Variants in ANO4 observed in about 807,000 individuals in gnomAD.
The protein encoded by ANO4 is anoctamin 4.
ANO4 carries 69 observed loss-of-function variants against 141.9 expected under a neutral mutation model. The ratio of observed to expected loss-of-function variants is 0.49; its 90% CI spans 0.40 to 0.59. The LOEUF is 0.59. ANO4 is among the 20% of genes least tolerant of loss of function. The pLI is 0.00. For synonymous variants in ANO4, 350 were observed against 394.3 expected (o/e 0.89, Z 1.33); for missense variants, 894 against 1,162.2 (o/e 0.77, Z 3.36).
chr12:100,805,904 G>A (rs149876452), intron 1 of ANO4, among the ~76,000 whole-genome samples: 6 of 152,298 alleles, frequency 3.9e-5, no homozygotes, highest in Admixed American at 6.5e-5. Flanking sequence ...AGGTCCCTGG[G>A]AGGAGGACCC....
At chr12:100,775,874 A>G (rs1446202047) in intron 3 of ANO4, among the ~76,000 whole-genome samples, 1 of 150,732 alleles carries the variant, frequency 6.6e-6, no homozygotes, top group Non-Finnish European at 1.5e-5. Flanking sequence ...GCTTTCCCCC[A>G]GCTGTTGTGT....
intron 3 of ANO4, among the ~76,000 whole-genome samples, chr12:100,777,277 T>C (rs1356398055): frequency 7.4e-6 from 1 of 135,286 alleles, no homozygotes; most frequent in African/African-American, 2.8e-5. Flanking sequence ...ATCTTTTTTT[T>C]TTTTTTTTTT....
intron 1 of ANO4, among the ~76,000 whole-genome samples, chr12:100,890,870 A>G (rs891801789): frequency 1.3e-5 from 2 of 152,226 alleles, no homozygotes; most frequent in Non-Finnish European, 2.9e-5. Flanking sequence ...CAAATTTATT[A>G]CAATATGTAT....
intron 8 of ANO4, among the ~76,000 whole-genome samples, chr12:100,992,580 A>G (rs1214021519): frequency 2.0e-5 from 3 of 152,194 alleles, no homozygotes; most frequent in Non-Finnish European, 4.4e-5. Flanking sequence ...TCTCTGTTCT[A>G]TACTGTTGTA....
At chr12:101,033,755 G>T (rs1167588165) in intron 9 of ANO4, among the ~76,000 whole-genome samples, 1 of 151,956 alleles carries the variant, frequency 6.6e-6, no homozygotes, top group Non-Finnish European at 1.5e-5. Flanking sequence ...GACAGAAATC[G>T]AATATCCAGA....
chr12:100,719,273 C>G (rs925821006), intron 1 of ANO4, among the ~76,000 whole-genome samples: 1 of 152,184 alleles, frequency 6.6e-6, no homozygotes, highest in Non-Finnish European at 1.5e-5. Flanking sequence ...GCCACAAATT[C>G]CACGTTAATT....
chr12:100,939,463 T>C lies in ANO4; in HGVS notation c.297+12T>C, dbSNP rs375912800. The stretch of plus-strand genomic sequence containing the variant: ...AAGCCGGGGGAGAGGTAAGAGTATA[T>C]GATTTCTTACAAATGTAATTCGTGA... On this transcript the variant is annotated intron_variant, in intron 4 of 27. Coordinates refer to ENST00000392977, the MANE Select transcript of ANO4 (RefSeq NM_001286615.2). 2 of 1,610,986 alleles carry C rather than the reference T, an allele frequency of 1.2e-6. No individual in the cohort carries two copies. Among genetic ancestry groups the C allele is most frequent in the African/African-American group, 1.3e-5 (1 of 74,818 alleles).
chr12:101,055,821 A>T (rs1326777025), intron 14 of ANO4, among the ~76,000 whole-genome samples: 2 of 152,152 alleles, frequency 1.3e-5, no homozygotes, highest in African/African-American at 4.8e-5. Context: ...TTTATGACTT[A>T]TTTCAAGTTG....
At position 101,005,549 on chromosome 12, in the gene ANO4, A is replaced by G. The variant is rs1479872142; in HGVS notation, c.735-14485A>G. 7.9e-5 allele frequency among the ~76,000 whole-genome samples: 12 copies of G among 152,192 alleles called. 1 individual carries two copies. Among genetic ancestry groups the G allele is most frequent in the Admixed American group, 7.9e-4 (12 of 15,280 alleles). ...TGGAAACACAGGGCCTGGGTGCCCA[A>G]TCCCAGCTCTGTAACTTGTAAGGTA... On this transcript the variant is annotated intron_variant, in intron 8 of 27. Coordinates refer to ENST00000392977, the MANE Select transcript of ANO4 (RefSeq NM_001286615.2).
At chr12:100,817,733 T>A (rs78412136) in intron 1 of ANO4, among the ~76,000 whole-genome samples, 1 of 151,932 alleles carries the variant, frequency 6.6e-6, no homozygotes, top group African/African-American at 2.4e-5. Context: ...TAGGACTAAT[T>A]TCGTTGGTCA....
chr12:100,942,386 GAAAGA>G lies in ANO4; in HGVS notation c.310_314del (p.Arg104GlnfsTer15). The G allele has an allele frequency of 6.2e-7, 1 of 1,613,710 alleles. No homozygotes were observed. The highest frequency in any genetic ancestry group is 8.5e-7 in the Non-Finnish European group (1 of 1,179,862). On this transcript the variant is annotated frameshift_variant, in exon 5 of 28. Transcript: ENST00000392977. LOFTEE classifies it high-confidence loss of function. ...TTCTCTTTGTGTGCAGACAGTGCCA[GAAAGA>G]AACAAATCAAATGGACTTTACTTTC...
At chr12:101,024,666 G>A (rs2046663075) in intron 9 of ANO4, among the ~76,000 whole-genome samples, 1 of 152,014 alleles carries the variant, frequency 6.6e-6, no homozygotes, top group Non-Finnish European at 1.5e-5. Flanking sequence ...TAACATCTGG[G>A]ATGTTTGAAA....
intron 1 of ANO4, among the ~76,000 whole-genome samples, chr12:100,852,953 G>T (rs892936791): frequency 6.6e-6 from 1 of 152,114 alleles, no homozygotes; most frequent in Non-Finnish European, 1.5e-5. Context: ...TGGCGCCAGA[G>T]GTATAACCTT....
intron 8 of ANO4, among the ~76,000 whole-genome samples, chr12:101,004,973 C>T (rs2045810677): frequency 6.6e-6 from 1 of 152,172 alleles, no homozygotes; most frequent in South Asian, 2.1e-4. Context: ...GGCAGAGTTT[C>T]TAGGACTTTG....
chr12:101,030,727 A>G (rs1277000342), intron 9 of ANO4, among the ~76,000 whole-genome samples: 1 of 152,140 alleles, frequency 6.6e-6, no homozygotes. Flanking sequence ...ACTAATAAAG[A>G]AGAAAAGAGA....
intron 5 of ANO4, among the ~76,000 whole-genome samples, chr12:100,958,146 C>T (rs2043252912): frequency 1.3e-5 from 2 of 152,224 alleles, no homozygotes; most frequent in Admixed American, 1.3e-4. Context: ...AAGCCCCGAC[C>T]ATGGTTAAAC....
At chr12:100,943,365 G>A (rs534349523) in intron 5 of ANO4, among the ~76,000 whole-genome samples, 1 of 152,306 alleles carries the variant, frequency 6.6e-6, no homozygotes, top group Admixed American at 6.5e-5. Context: ...TGAGGGGATA[G>A]ATCTTTGAAG....
intron 14 of ANO4, among the ~76,000 whole-genome samples, chr12:101,060,789 C>G (rs1455123700): frequency 6.6e-6 from 1 of 152,030 alleles, no homozygotes; most frequent in Non-Finnish European, 1.5e-5. Context: ...GGAGATGGAT[C>G]TCCTGAATAC....
At chr12:100,889,684 A>G (rs1001525139) in intron 1 of ANO4, among the ~76,000 whole-genome samples, 17 of 152,178 alleles carry the variant, frequency 1.1e-4, no homozygotes, top group Non-Finnish European at 2.4e-4. Flanking sequence ...CAAAACCACA[A>G]TGAGATACCA....
Sources: allele counts gnomAD v4.1 joint callset (sites outside exome capture counted in the v4.1 genomes callset), GRCh38; gene constraint gnomAD v4.1.1; transcripts MANE v1.5; gene names NCBI Gene and HGNC (gene_info 2026-07-23, HGNC 2026-07-21).